The following DPEP2 variants were observed in gnomAD, a reference collection of about 807,000 sequenced individuals.
DPEP2 encodes the protein dipeptidase 2.
In DPEP2, 45 loss-of-function variants were observed where a neutral mutation model predicts 51.8. That is an observed-to-expected ratio of 0.87 (90% CI 0.68 to 1.11). The LOEUF (loss-of-function observed/expected upper bound fraction) is 1.11, where lower values mean the gene tolerates loss of function less well. DPEP2 is among the 50% of genes most tolerant of loss of function. The probability of loss-of-function intolerance (pLI) is 0.00; values close to 1 mark genes in which losing one functional copy is unlikely to be tolerated. For synonymous variants in DPEP2, 255 were observed against 262.7 expected (o/e 0.97, Z 0.28); for missense variants, 604 against 631.9 (o/e 0.96, Z 0.47).
intron 2 of DPEP2, 82 bp from the exon 3 acceptor site, chr16:67,992,718 G>A: frequency 1.3e-6 from 2 of 1,557,330 alleles, no homozygotes; most frequent in Non-Finnish European, 8.7e-7. Context: ...GACACATCTG[G>A]GGATCCCCAT....
At chr16:68,000,286 G>T (rs549979309), upstream of DPEP2, among the ~76,000 whole-genome samples, 6 of 152,278 alleles carry the variant, frequency 3.9e-5, no homozygotes, top group African/African-American at 1.4e-4. Context: ...GAAACAGTTT[G>T]CTCCAAGGAC....
At chr16:67,989,779 T>C (rs1435316608) in intron 8 of DPEP2, among the ~76,000 whole-genome samples, 1 of 152,158 alleles carries the variant, frequency 6.6e-6, no homozygotes, top group Non-Finnish European at 1.5e-5. Context: ...CCCCTTCTAG[T>C]CTCTTGGCCA....
Position 67,990,890 on chromosome 16 carries a change from G to A in DPEP2, c.840C>T (p.Phe280=), listed in dbSNP as rs758725975. ...ALEVSQAPVI[F]SHSAARGVCN... ...ACACACCCCGGGCAGCCGAGTGGGA[G>A]AAGATCACAGGTGCCTGTGACACTT... Residue 280 remains phenylalanine, a synonymous_variant, in exon 7 of 11, where the codon TTC becomes TTT. Transcript: ENST00000393847. The A allele has an allele frequency of 9.3e-6, 15 of 1,614,090 alleles. No homozygotes were observed. The highest frequency in any genetic ancestry group is 1.6e-4 in the Middle Eastern group (1 of 6,084).
rs753450669 is a variant in DPEP2 at position 67,990,874 on chromosome 16, G to C, written c.856C>G (p.Arg286Gly). The change falls in exon 7 of 11, where the codon CGG becomes GGG. Residue 286 changes from arginine to glycine, a missense_variant. Coordinates refer to ENST00000393847, the MANE Select transcript of DPEP2 (RefSeq NM_022355.4). ...APVIFSHSAA[R>G]GVCNSARNVP... is the part of the protein sequence containing the mutation. ...TTCCGAGCACTGTTGCACACACCCC[G>C]GGCAGCCGAGTGGGAGAAGATCACA... The C allele has an allele frequency of 3.1e-6, 5 of 1,614,146 alleles. No homozygotes were observed. The highest frequency in any genetic ancestry group is 1.7e-5 in the Admixed American group (1 of 60,024).
intron 7 of DPEP2, among the ~76,000 whole-genome samples, 176 bp from the exon 8 acceptor site, chr16:67,990,307 G>A (rs936536963): frequency 6.6e-6 from 1 of 152,170 alleles, no homozygotes; most frequent in Admixed American, 6.5e-5. Flanking sequence ...TGGCATAGGT[G>A]TCTTGGCACT....
chr16:67,994,819 G>T, intron 1 of DPEP2: 1 of 985,432 alleles, frequency 1.0e-6, no homozygotes, highest in Non-Finnish European at 1.2e-6. Flanking sequence ...GTTGCCCAGT[G>T]TCTGCTGTCC....
At chr16:67,989,921 AC>A (rs1431575587) in intron 8 of DPEP2, 125 bp downstream of exon 8, 2 of 942,934 alleles carry the variant, frequency 2.1e-6, no homozygotes, top group Non-Finnish European at 1.6e-6. Context: ...GCTCCATGTG[AC>A]CAATGTGCTG....
At chr16:67,998,309 C>T (rs1193701243) in intron 1 of DPEP2, among the ~76,000 whole-genome samples, 1 of 152,050 alleles carries the variant, frequency 6.6e-6, no homozygotes, top group Non-Finnish European at 1.5e-5. Flanking sequence ...GCACTCGGAG[C>T]GGCCCGCGGG....
intron 9 of DPEP2, 102 bp downstream of exon 9, chr16:67,989,221 C>A: frequency 7.9e-7 from 1 of 1,266,014 alleles, no homozygotes; most frequent in Non-Finnish European, 1.1e-6. Flanking sequence ...GAACTGATCC[C>A]GGGAGTGTGG....
In DPEP2 at chr16:67,991,021, G is replaced by C; in HGVS notation, c.733-24C>G. 1 of 1,613,808 alleles carries C rather than the reference G, an allele frequency of 6.2e-7. No homozygotes were observed. Among genetic ancestry groups the C allele is most frequent in the South Asian group, 1.1e-5 (1 of 91,068 alleles). On this transcript the variant is annotated intron_variant, in intron 6 of 10. Coordinates refer to ENST00000393847, the MANE Select transcript of DPEP2 (RefSeq NM_022355.4). The surrounding 1 kb of genome is among the most constrained non-coding windows in gnomAD (Gnocchi z 5.1). ...TTCTGCAGGGACATGTTGGGAGAAG[G>C]GTATCAGGGGTGCACATGTGTATAC...
upstream of DPEP2, among the ~76,000 whole-genome samples, chr16:67,999,956 C>T (rs562138905): frequency 3.3e-5 from 5 of 152,268 alleles, no homozygotes; most frequent in Non-Finnish European, 7.3e-5. Context: ...GAAGTTCTTC[C>T]GTGGCTTCTC....
At chr16:67,993,448 C>A in intron 1 of DPEP2, 191 bp from the exon 2 acceptor site, 1 of 1,254,054 alleles carries the variant, frequency 8.0e-7, no homozygotes, top group Non-Finnish European at 1.0e-6. Flanking sequence ...TCCCCAAGGG[C>A]GCTCCCGCCG....
At chr16:67,994,197 A>G in intron 1 of DPEP2, 1 of 985,288 alleles carries the variant, frequency 1.0e-6, no homozygotes, top group Non-Finnish European at 1.2e-6. Flanking sequence ...TGGCCAGGAT[A>G]CCTCCTACCT....
chr16:67,993,121 G>C lies in DPEP2; in HGVS notation c.92C>G (p.Thr31Ser). ...GGGGCCTGGCGTGGTGTAGGCACAG[G>C]TTACAGGCTGGAGCAGCAGCAGCAG... ...LLLLLLLQPV[T>S]CAYTTPGPPR... Residue 31 changes from threonine (T) to serine (S), a missense_variant, in exon 2 of 11, where the codon ACC becomes AGC. Physicochemically the swap from Thr to Ser is moderately conservative, Grantham distance 58 (BLOSUM62 1). Coordinates refer to ENST00000393847, the MANE Select transcript of DPEP2 (RefSeq NM_022355.4). 6.4e-7 allele frequency: 1 copy of C among 1,556,160 alleles called. No individual in the cohort carries two copies. Among genetic ancestry groups the C allele is most frequent in the East Asian group, 2.4e-5 (1 of 42,278 alleles).
At position 67,993,105 on chromosome 16, in the gene DPEP2, C is replaced by A. The variant is rs774903982; in HGVS notation, c.108G>T (p.Thr36=). 3.8e-6 allele frequency: 6 copies of A among 1,564,588 alleles called. No homozygotes were observed. Among genetic ancestry groups the A allele is most frequent in the Admixed American group, 3.8e-5 (2 of 52,414 alleles). ...TGGTGAGGGCTCTGGGGGGGCCTGG[C>A]GTGGTGTAGGCACAGGTTACAGGCT... ...LLQPVTCAYT[T]PGPPRALTTL... The change falls in exon 2 of 11, where the codon ACG becomes ACT. Residue 36 remains threonine, a synonymous_variant. Coordinates refer to ENST00000393847, the MANE Select transcript of DPEP2 (RefSeq NM_022355.4).
At position 67,989,310 on chromosome 16, in the gene DPEP2, G is replaced by A. The variant is rs751632542; in HGVS notation, c.1070+13C>T. 3.1e-6 allele frequency: 5 copies of A among 1,614,040 alleles called. No individual in the cohort carries two copies. In the African/African-American group the frequency reaches 6.7e-5, roughly 22 times the overall value. On this transcript the variant is annotated intron_variant, in intron 9 of 10. Coordinates refer to ENST00000393847, the MANE Select transcript of DPEP2 (RefSeq NM_022355.4). ...ACAGCTAGCCCAAGACAAGCCACAG[G>A]GAAGGCACTCACTTGCCGGCCCCAT...
intron 1 of DPEP2, among the ~76,000 whole-genome samples, chr16:67,995,176 T>G (rs967748571): frequency 6.6e-6 from 1 of 152,098 alleles, no homozygotes; most frequent in African/African-American, 2.4e-5. Context: ...CTGGGATTAC[T>G]GGAGTGAGCT....
Position 67,992,148 on chromosome 16 carries a change from G to A in DPEP2, c.436C>T (p.Leu146=). Residue 146 remains leucine, a synonymous_variant, in exon 4 of 11, where the codon CTG becomes TTG. Coordinates refer to ENST00000393847, the MANE Select transcript of DPEP2 (RefSeq NM_022355.4). ...TCAATCTGCTCCAGGGTGAGGCGCAGGGCATCCCGGTCCTGGGTCTGGCAT... is the reference window on the plus strand; with the variant it reads ...TCAATCTGCTCCAGGGTGAGGCGCAAGGCATCCCGGTCCTGGGTCTGGCAT... ...VPCQTQDRDA[L]RLTLEQIDLI... is the part of the protein sequence containing the mutation. 1 of 1,614,194 alleles carries A rather than the reference G, an allele frequency of 6.2e-7. No homozygotes were observed.
chr16:67,991,805 T>A lies in DPEP2; in HGVS notation c.662+33A>T. 1 of 1,608,710 alleles carries A rather than the reference T, an allele frequency of 6.2e-7. No homozygotes were observed. The highest frequency in any genetic ancestry group is 8.5e-7 in the Non-Finnish European group (1 of 1,176,222). ...CCTCAGGCAGATCTCTGCCCCTGCC[T>A]CAGCGGTCCCACACCATCTGCACTA... On this transcript the variant is annotated intron_variant, in intron 5 of 10. Transcript: ENST00000393847. The surrounding 1 kb of genome is among the most constrained non-coding windows in gnomAD (Gnocchi z 5.1).
Sources: allele counts gnomAD v4.1 joint callset (sites outside exome capture counted in the v4.1 genomes callset), GRCh38; gene constraint gnomAD v4.1.1; non-coding constraint Gnocchi (gnomAD v3.1); transcripts MANE v1.5; gene names NCBI Gene and HGNC (gene_info 2026-07-23, HGNC 2026-07-21).